Variants in SYTL1 observed in about 807,000 individuals in gnomAD.
SYTL1 encodes synaptotagmin like 1.
A neutral mutation model predicts 74.6 loss-of-function variants in SYTL1; 53 were observed. The observed-to-expected ratio is 0.71, with a 90% confidence interval of 0.57 to 0.89. SYTL1 has a LOEUF of 0.89. Ranked by LOEUF, SYTL1 falls within the 40% of genes least tolerant of loss-of-function variation. The probability of loss-of-function intolerance (pLI) is 0.00; values close to 1 mark genes in which losing one functional copy is unlikely to be tolerated. For missense variants in SYTL1, 728 were observed against 768.7 expected (o/e 0.95, Z 0.63); for synonymous variants, 329 against 324.9 (o/e 1.01, Z -0.14).
chr1:27,346,071 G>A (rs972493762), intron 2 of SYTL1, among the ~76,000 whole-genome samples: 3 of 152,008 alleles, frequency 2.0e-5, no homozygotes, highest in East Asian at 1.9e-4. Context: ...GCGAGCCACC[G>A]TGCCTGGCCA....
At chr1:27,352,538 G>A (rs1330631650) in intron 13 of SYTL1, 1 of 151,828 alleles carries the variant, frequency 6.6e-6, no homozygotes, top group East Asian at 2.0e-4. Flanking sequence ...GCCCAGGCTG[G>A]AGTGCAGTGG....
In SYTL1 at chr1:27,347,599, C is replaced by G. The variant is rs1023572545; in HGVS notation, c.340+30C>G. 4.3e-6 allele frequency: 7 copies of G among 1,609,916 alleles called. No homozygotes were observed. The African/African-American group carries it at 5.3e-5, about 12-fold the overall frequency. On this transcript the variant is annotated intron_variant, in intron 3 of 14. Transcript: ENST00000616558. The surrounding 1 kb of genome is among the most constrained non-coding windows in gnomAD (Gnocchi z 4.9). ...GAGGAGATCCTCGGGGCAGGGCAAG[C>G]CATGTGCCGTCCAGGGCGCTGGCTG...
rs1037234544 is a variant in SYTL1 at position 27,347,087 on chromosome 1, A to C, written c.192-334A>C. 2.6e-5 allele frequency among the ~76,000 whole-genome samples: 4 copies of C among 152,208 alleles called. No homozygotes were observed. The highest frequency in any genetic ancestry group is 9.7e-5 in the African/African-American group (4 of 41,450). On this transcript the variant is annotated intron_variant, in intron 2 of 14. Coordinates refer to ENST00000616558, the MANE Select transcript of SYTL1 (RefSeq NM_001193308.2). This position sits in a 1 kb window ranked among gnomAD's most constrained non-coding sequence, Gnocchi z 4.9. Reference sequence around the variant, plus strand: ...CAGTGAGCTGAGATTGCGCCACAGCACTCCAGCCTGGGCATAGAGGGAGAC... The same window carrying C: ...CAGTGAGCTGAGATTGCGCCACAGCCCTCCAGCCTGGGCATAGAGGGAGAC...
rs940791542 is a variant in SYTL1 at position 27,351,399 on chromosome 1, G to C, written c.1244-57G>C. The C allele has an allele frequency of 6.6e-7, 1 of 1,505,672 alleles. No homozygotes were observed. Among genetic ancestry groups the C allele is most frequent in the Non-Finnish European group, 8.9e-7 (1 of 1,121,782 alleles). The allele number at this position is 1,505,672 out of a possible 1,614,324, so 93.3% of individuals were successfully genotyped here. ...TGAAAAGCGGGAGACTCCAGTCCCC[G>C]GGTTTGGGGGCGGTGGACTCCATCC... On this transcript the variant is annotated intron_variant, in intron 12 of 14. Transcript: ENST00000616558. The surrounding 1 kb of genome is among the most constrained non-coding windows in gnomAD (Gnocchi z 5.0).
Position 27,348,244 on chromosome 1 carries a change from A to T in SYTL1, c.459+232A>T, listed in dbSNP as rs759274391. On this transcript the variant is annotated intron_variant, in intron 5 of 14. Coordinates refer to ENST00000616558, the MANE Select transcript of SYTL1 (RefSeq NM_001193308.2). This position sits in a 1 kb window ranked among gnomAD's most constrained non-coding sequence, Gnocchi z 4.1. ...TGAACAGTGAGTGGTATATGGACCC[A>T]GCCTCTAAGGGAACTTCTGAATCTG... Among the ~76,000 whole-genome samples, 1 of 152,094 alleles carries T rather than the reference A, an allele frequency of 6.6e-6. No individual in the cohort carries two copies. The highest frequency in any genetic ancestry group is 1.5e-5 in the Non-Finnish European group (1 of 68,012).
At position 27,350,750 on chromosome 1, in the gene SYTL1, G is replaced by A. The variant is rs961959315; in HGVS notation, c.1006-44G>A. ...CAGCCAACTCGCGCAGCATCTACGC[G>A]GGCCACCAGCAGTGCTCCACTAAAG... On this transcript the variant is annotated intron_variant, in intron 10 of 14. Transcript: ENST00000616558. This position sits in a 1 kb window ranked among gnomAD's most constrained non-coding sequence, Gnocchi z 6.3. 7 of 1,600,706 alleles carry A rather than the reference G, an allele frequency of 4.4e-6. No homozygotes were observed. In the Admixed American group the frequency reaches 5.0e-5, roughly 12 times the overall value.
rs979432384 is a variant in SYTL1, at chr1:27,349,740, C to T, written c.722C>T (p.Ser241Leu). Residue 241 changes from serine to leucine, a missense_variant, in exon 8 of 15, where the codon TCG (serine) becomes TTG (leucine). Transcript: ENST00000616558. ...GACCGCATGCTCAGCAGCAGCTCCT[C>T]GGTGTCCAGCCTTAACTCCTCCACG... Reference protein sequence around the residue: ...SLDRMLSSSSSVSSLNSSTLS... With the variant: ...SLDRMLSSSSLVSSLNSSTLS... 1.9e-6 allele frequency: 3 copies of T among 1,606,830 alleles called. No individual in the cohort carries two copies. The highest frequency in any genetic ancestry group is 2.7e-5 in the African/African-American group (2 of 74,866).
intron 13 of SYTL1, 108 bp from the exon 14 acceptor site, chr1:27,353,174 GA>G (rs2015346007): frequency 1.7e-6 from 2 of 1,144,278 alleles, no homozygotes; most frequent in South Asian, 2.9e-5. Flanking sequence ...AGGCAGGCAG[GA>G]GCCAGGGGAC....
rs140470700 is a variant in SYTL1, at chr1:27,344,658, T to C, written c.-38-639T>C. On this transcript the variant is annotated intron_variant, in intron 1 of 14. Transcript: ENST00000616558. Reference sequence around the variant, plus strand: ...TGAGGTCAGGAGTTCGAGGCCAGCCTGGCCAACATGGTCAAACCCCGTCTC... The same window carrying C: ...TGAGGTCAGGAGTTCGAGGCCAGCCCGGCCAACATGGTCAAACCCCGTCTC... Among the ~76,000 whole-genome samples, 1,426 of 149,936 alleles carry C rather than the reference T, an allele frequency of 9.5e-3. 24 individuals carry two copies. Among genetic ancestry groups the C allele is most frequent in the African/African-American group, 0.03 (1,247 of 41,118 alleles).
chr1:27,353,839 C>T lies in SYTL1; in HGVS notation c.1676C>T (p.Ala559Val), dbSNP rs748929538. 7.4e-6 allele frequency: 12 copies of T among 1,613,258 alleles called. No homozygotes were observed. Among genetic ancestry groups the T allele is most frequent in the Non-Finnish European group, 1.0e-5 (12 of 1,179,354 alleles). ...CTTCTACCCCTCAGAACCAACCTGGCCCCCAGGACGTAGCCCCACCAAGCC... is the reference window on the plus strand; with the variant it reads ...CTTCTACCCCTCAGAACCAACCTGGTCCCCAGGACGTAGCCCCACCAAGCC... ...DGLLPLRTNLAPRT is the reference protein window; with the variant it reads ...DGLLPLRTNLVPRT The change falls in exon 15 of 15, where the codon GCC (alanine) becomes GTC (valine). Residue 559 changes from alanine (A) to valine (V), a missense_variant. Ala to Val is a moderately conservative substitution (Grantham distance 64). Transcript: ENST00000616558.
At position 27,345,204 on chromosome 1, in the gene SYTL1, C is replaced by A; in HGVS notation, c.-38-93C>A. The A allele has an allele frequency of 1.4e-6, 1 of 691,108 alleles. No individual in the cohort carries two copies. Among genetic ancestry groups the A allele is most frequent in the Non-Finnish European group, 2.3e-6 (1 of 440,896 alleles). 42.8% of individuals were successfully genotyped at this position (691,108 alleles called of 1,614,324 possible). On this transcript the variant is annotated intron_variant, in intron 1 of 14. Coordinates refer to ENST00000616558, the MANE Select transcript of SYTL1 (RefSeq NM_001193308.2). The surrounding 1 kb of genome is among the most constrained non-coding windows in gnomAD (Gnocchi z 6.0). Reference sequence around the variant, plus strand: ...ATCCTGGGGTGGCACCCTACCCATACCCGGCCAAGTGTTTGGGGAGAAAAG... The same window carrying A: ...ATCCTGGGGTGGCACCCTACCCATAACCGGCCAAGTGTTTGGGGAGAAAAG...
rs1402244657 is a variant in SYTL1, at chr1:27,345,508, G to A, written c.174G>A (p.Leu58=). 2 of 1,555,552 alleles carry A rather than the reference G, an allele frequency of 1.3e-6. No individual in the cohort carries two copies. The highest frequency in any genetic ancestry group is 1.7e-6 in the Non-Finnish European group (2 of 1,148,980). ...VLQRDARLRQ[L]EEGRVSKLRA... is the part of the protein sequence containing the mutation. Reference sequence around the variant, plus strand: ...AACGAGATGCCCGCCTGCGCCAGCTGGAGGAGGGGCGGGTCAGGTAAGGCA... The same window carrying A: ...AACGAGATGCCCGCCTGCGCCAGCTAGAGGAGGGGCGGGTCAGGTAAGGCA... The change falls in exon 2 of 15, where the codon CTG becomes CTA. Residue 58 remains leucine, a synonymous_variant. Transcript: ENST00000616558. This position sits in a 1 kb window ranked among gnomAD's most constrained non-coding sequence, Gnocchi z 6.0.
Position 27,350,053 on chromosome 1 carries a change from G to T in SYTL1, c.829G>T (p.Glu277Ter). ...RGSVHFALHY[E>*]PGAAELRVHV... ...CTCCGTGCACTTCGCGCTGCACTAC[G>T]AGCCGGGCGCCGCCGAGCTGCGCGT... Residue 277 changes from glutamate (E) to a stop codon, truncating the protein, a stop_gained, in exon 9 of 15, where the codon GAG becomes TAG. Transcript: ENST00000616558. LOFTEE classifies it high-confidence loss of function. This position sits in a 1 kb window ranked among gnomAD's most constrained non-coding sequence, Gnocchi z 6.3. 6.6e-7 allele frequency: 1 copy of T among 1,516,910 alleles called. No homozygotes were observed. The highest frequency in any genetic ancestry group is 2.0e-5 in the Admixed American group (1 of 48,878). 94.0% of individuals were successfully genotyped at this position (1,516,910 alleles called of 1,614,324 possible).
In SYTL1 at chr1:27,345,315, C is replaced by T. The variant is rs773655341; in HGVS notation, c.-20C>T. ...CCCCCAGGAAGCTCCGTGTGCCCAG[C>T]TGGGGCACAGCCCCAGCTGATGCCC... On this transcript the variant is annotated 5_prime_UTR_variant, in exon 2 of 15. Transcript: ENST00000616558. The surrounding 1 kb of genome is among the most constrained non-coding windows in gnomAD (Gnocchi z 6.0). The T allele has an allele frequency of 4.1e-6, 6 of 1,461,392 alleles. No homozygotes were observed. The highest frequency in any genetic ancestry group is 5.4e-6 in the Non-Finnish European group (6 of 1,106,670). 90.5% of individuals were successfully genotyped at this position (1,461,392 alleles called of 1,614,324 possible). A position where few individuals can be genotyped will look rare whatever the true frequency, so the allele number is the denominator to read the frequency against.
chr1:27,351,548 G>A lies in SYTL1; in HGVS notation c.1336G>A (p.Val446Ile). The change falls in exon 13 of 15, where the codon GTA (valine) becomes ATA (isoleucine). Residue 446 changes from valine to isoleucine, a missense_variant. By Grantham distance (29) the Val-to-Ile change is conservative. Transcript: ENST00000616558. The surrounding 1 kb of genome is among the most constrained non-coding windows in gnomAD (Gnocchi z 5.0). Reference protein sequence around the residue: ...PLRAGSLDTYVQCFVLPDDSQ... With the variant: ...PLRAGSLDTYIQCFVLPDDSQ... ...GCGGGCAGGATCCCTGGACACTTAC[G>A]TACAATGGTGAGGAGTGCTGGCCCT... 1 of 1,541,128 alleles carries A rather than the reference G, an allele frequency of 6.5e-7. No individual in the cohort carries two copies. The highest frequency in any genetic ancestry group is 8.8e-7 in the Non-Finnish European group (1 of 1,141,698).
chr1:27,345,606 T>A lies in SYTL1; in HGVS notation c.191+81T>A. 1.0e-6 allele frequency: 1 copy of A among 961,666 alleles called. No homozygotes were observed. The highest frequency in any genetic ancestry group is 1.5e-6 in the Non-Finnish European group (1 of 658,382). The allele number at this position is 961,666 out of a possible 1,614,324, so 59.6% of individuals were successfully genotyped here. The stretch of plus-strand genomic sequence containing the variant: ...CCTGCTCCCTACCGACACCACTGCC[T>A]GTCAGATGTCTGCGTGGTTCTTGGT... On this transcript the variant is annotated intron_variant, in intron 2 of 14. Coordinates refer to ENST00000616558, the MANE Select transcript of SYTL1 (RefSeq NM_001193308.2). The surrounding 1 kb of genome is among the most constrained non-coding windows in gnomAD (Gnocchi z 6.0).
At position 27,348,111 on chromosome 1, in the gene SYTL1, AC is replaced by A. The variant is rs2015082546; in HGVS notation, c.459+102del. 1 of 1,206,064 alleles carries A rather than the reference AC, an allele frequency of 8.3e-7. No homozygotes were observed. Among genetic ancestry groups the A allele is most frequent in the South Asian group, 1.2e-5 (1 of 80,800 alleles). 74.7% of individuals were successfully genotyped at this position (1,206,064 alleles called of 1,614,324 possible). A position where few individuals can be genotyped will look rare whatever the true frequency, so the allele number is the denominator to read the frequency against. ...AGAGCCCCAGCCTGGGAATGGGGAG[AC>A]CCTGGAAATGTTCCTTCCTGTGTCT... On this transcript the variant is annotated intron_variant, in intron 5 of 14. Transcript: ENST00000616558. The surrounding 1 kb of genome is among the most constrained non-coding windows in gnomAD (Gnocchi z 4.1).
chr1:27,347,604 T>G lies in SYTL1; in HGVS notation c.340+35T>G. On this transcript the variant is annotated intron_variant, in intron 3 of 14. Transcript: ENST00000616558. This position sits in a 1 kb window ranked among gnomAD's most constrained non-coding sequence, Gnocchi z 4.9. The stretch of plus-strand genomic sequence containing the variant: ...GATCCTCGGGGCAGGGCAAGCCATG[T>G]GCCGTCCAGGGCGCTGGCTGTATGT... 4.4e-6 allele frequency: 7 copies of G among 1,608,856 alleles called. No individual in the cohort carries two copies. Among genetic ancestry groups the G allele is most frequent in the Non-Finnish European group, 5.9e-6 (7 of 1,177,190 alleles).
In SYTL1 at chr1:27,342,504, C is replaced by G. The variant is rs2014813884; in HGVS notation, c.-39+354C>G. 4.9e-6 allele frequency: 1 copy of G among 205,984 alleles called. No individual in the cohort carries two copies. Among genetic ancestry groups the G allele is most frequent in the African/African-American group, 2.4e-5 (1 of 42,370 alleles). The allele number at this position is 205,984 out of a possible 1,614,324, so 12.8% of individuals were successfully genotyped here. On this transcript the variant is annotated intron_variant, in intron 1 of 14. Coordinates refer to ENST00000616558, the MANE Select transcript of SYTL1 (RefSeq NM_001193308.2). The surrounding 1 kb of genome is among the most constrained non-coding windows in gnomAD (Gnocchi z 4.7). Reference sequence around the variant, plus strand: ...ATAGGCTCAGTTCTGCCGAACGTCCCCCCGGCCTCCATCCACACTCAGACA... The same window carrying G: ...ATAGGCTCAGTTCTGCCGAACGTCCGCCCGGCCTCCATCCACACTCAGACA...
Sources: allele counts gnomAD v4.1 joint callset (sites outside exome capture counted in the v4.1 genomes callset), GRCh38; gene constraint gnomAD v4.1.1; non-coding constraint Gnocchi (gnomAD v3.1); transcripts MANE v1.5; gene names NCBI Gene and HGNC (gene_info 2026-07-23, HGNC 2026-07-21).